HS3ST5: variants seen among roughly 807,000 people sequenced by gnomAD.
HS3ST5 encodes heparan sulfate-glucosamine 3-sulfotransferase 5, also known as heparan sulfate glucosamine 3-O-sulfotransferase 5.
Under a neutral mutation model 25.4 loss-of-function variants are expected in HS3ST5, and 10 were observed. The observed-to-expected ratio is 0.39, with a 90% CI of 0.24 to 0.67. The LOEUF (loss-of-function observed/expected upper bound fraction) is 0.67. Ranked by LOEUF, HS3ST5 falls within the 30% of genes least tolerant of loss-of-function variation. The pLI, the probability that HS3ST5 is intolerant of heterozygous loss-of-function variation, is 0.44. For missense variants in HS3ST5, 324 were observed against 420.7 expected (o/e 0.77, Z 2.01); for synonymous variants, 170 against 162.4 (o/e 1.05, Z -0.36).
chr6:114,127,301 C>T (rs1777090337), intron 3 of HS3ST5, among the ~76,000 whole-genome samples: 1 of 151,924 alleles, frequency 6.6e-6, no homozygotes, highest in Non-Finnish European at 1.5e-5. Flanking sequence ...TAGGAATTGC[C>T]TTTGATGTAG....
chr6:114,097,140 AATAG>A (rs1397553294), intron 3 of HS3ST5, among the ~76,000 whole-genome samples: 2 of 152,018 alleles, frequency 1.3e-5, no homozygotes, highest in Non-Finnish European at 2.9e-5. Flanking sequence ...TCCATCAATT[AATAG>A]ATAATTATTT....
At chr6:114,109,619 T>A (rs1238419240) in intron 3 of HS3ST5, among the ~76,000 whole-genome samples, 1 of 152,176 alleles carries the variant, frequency 6.6e-6, no homozygotes, top group Non-Finnish European at 1.5e-5. Context: ...GTAATGGATA[T>A]CCCTGGACCC....
chr6:114,213,646 C>A (rs536169202), intron 2 of HS3ST5, among the ~76,000 whole-genome samples: 15 of 152,250 alleles, frequency 9.9e-5, no homozygotes, highest in Non-Finnish European at 1.6e-4. Flanking sequence ...CCCCAGGTAT[C>A]TCAAGATAAG....
intron 1 of HS3ST5, among the ~76,000 whole-genome samples, chr6:114,315,170 T>C (rs1307267419): frequency 1.3e-5 from 2 of 152,124 alleles, no homozygotes; most frequent in Admixed American, 1.3e-4. Context: ...TTTGTGCAAA[T>C]AAATTTTCAT....
At chr6:114,256,830 C>T (rs757034699) in intron 1 of HS3ST5, among the ~76,000 whole-genome samples, 1 of 152,156 alleles carries the variant, frequency 6.6e-6, no homozygotes, top group South Asian at 2.1e-4. Flanking sequence ...TCTACCAGTA[C>T]CAATTTACTG....
intron 1 of HS3ST5, among the ~76,000 whole-genome samples, chr6:114,232,457 C>T (rs1228058547): frequency 6.6e-6 from 1 of 152,114 alleles, no homozygotes; most frequent in Admixed American, 6.5e-5. Context: ...TCTCACAGTG[C>T]CAGGATTACA....
At chr6:114,063,775 T>G (rs1773283491) in intron 3 of HS3ST5, among the ~76,000 whole-genome samples, 1 of 152,186 alleles carries the variant, frequency 6.6e-6, no homozygotes, top group Admixed American at 6.5e-5. Context: ...ACAATGGCCT[T>G]GGGGAACCTG....
At chr6:114,066,002 T>C (rs532437541) in intron 3 of HS3ST5, among the ~76,000 whole-genome samples, 12 of 152,354 alleles carry the variant, frequency 7.9e-5, no homozygotes, top group African/African-American at 2.9e-4. Context: ...TATATCACAG[T>C]TCCTCTGGGA....
At chr6:114,259,615 C>G (rs1773078789) in intron 1 of HS3ST5, among the ~76,000 whole-genome samples, 1 of 152,224 alleles carries the variant, frequency 6.6e-6, no homozygotes, top group South Asian at 2.1e-4. Context: ...AGAGATAACA[C>G]TTTGGTGGTT....
At chr6:114,148,968 A>G (rs1338262575) in intron 3 of HS3ST5, among the ~76,000 whole-genome samples, 1 of 152,246 alleles carries the variant, frequency 6.6e-6, no homozygotes, top group Non-Finnish European at 1.5e-5. Flanking sequence ...TGTGGCAAAC[A>G]AACATGAAAG....
chr6:114,293,070 C>T lies in HS3ST5; in HGVS notation c.-339+49125G>A, dbSNP rs183466043. ...GAAGTGCTAAGGTAGAGAGGTGCAC[C>T]GTGCACAGGAGCTCCACAAGTCCAC... On this transcript the variant is annotated intron_variant, in intron 1 of 4. Transcript: ENST00000312719. Among the ~76,000 whole-genome samples, 496 of 152,050 alleles carry T rather than the reference C, an allele frequency of 3.3e-3. 2 individuals carry two copies. The highest frequency in any genetic ancestry group is 0.011 in the African/African-American group (467 of 41,490).
intron 2 of HS3ST5, among the ~76,000 whole-genome samples, chr6:114,175,774 T>A (rs1012484787): frequency 3.3e-5 from 5 of 152,182 alleles, no homozygotes; most frequent in African/African-American, 1.2e-4. Context: ...GCAAAAGTAA[T>A]ATAAAAACAA....
At chr6:114,248,282 G>C (rs1772479977) in intron 1 of HS3ST5, among the ~76,000 whole-genome samples, 1 of 149,562 alleles carries the variant, frequency 6.7e-6, no homozygotes, top group East Asian at 1.9e-4. Flanking sequence ...ACATATGAAT[G>C]TGAATCCTTT....
intron 1 of HS3ST5, among the ~76,000 whole-genome samples, chr6:114,246,743 T>G (rs1407035249): frequency 1.3e-5 from 2 of 152,198 alleles, no homozygotes; most frequent in Non-Finnish European, 2.9e-5. Flanking sequence ...AACTTCTGAA[T>G]GTAAGGGTGA....
chr6:114,239,034 G>A (rs1771984659), intron 1 of HS3ST5: 1 of 152,106 alleles, frequency 6.6e-6, no homozygotes, highest in Non-Finnish European at 1.5e-5. Flanking sequence ...TAAGCACTCC[G>A]TATATTGGAC....
rs532463138 is a variant in HS3ST5, at chr6:114,057,135, A to G, written c.*122T>C. On this transcript the variant is annotated 3_prime_UTR_variant, in exon 5 of 5. Transcript: ENST00000312719. ...TCTTATATTTGGTCACACACTGCGTATGTACAAATATACATGGAAAAATGA... is the reference window on the plus strand; with the variant it reads ...TCTTATATTTGGTCACACACTGCGTGTGTACAAATATACATGGAAAAATGA... The G allele has an allele frequency of 4.7e-4, 329 of 707,106 alleles. 2 individuals are homozygous for G. Among genetic ancestry groups the G allele is most frequent in the Middle Eastern group, 3.3e-4 (1 of 3,030 alleles). The allele number at this position is 707,106 out of a possible 1,614,324, so 43.8% of individuals were successfully genotyped here.
At chr6:114,306,280 T>C (rs796718289) in intron 1 of HS3ST5, among the ~76,000 whole-genome samples, 100 of 128,154 alleles carry the variant, frequency 7.8e-4, no homozygotes, top group East Asian at 1.6e-3. Context: ...CACACACACA[T>C]ATATATATAT....
chr6:114,224,035 T>C (rs537951209), intron 2 of HS3ST5, among the ~76,000 whole-genome samples: 2 of 151,796 alleles, frequency 1.3e-5, no homozygotes, highest in African/African-American at 2.4e-5. Context: ...GCATTTATTA[T>C]AGAGTCCCTC....
At chr6:114,123,542 C>T (rs1056571925) in intron 3 of HS3ST5, among the ~76,000 whole-genome samples, 1 of 152,166 alleles carries the variant, frequency 6.6e-6, no homozygotes. Flanking sequence ...TTAAGCCACA[C>T]ATTCAAGGTC....
Sources: allele counts gnomAD v4.1 joint callset (sites outside exome capture counted in the v4.1 genomes callset), GRCh38; gene constraint gnomAD v4.1.1; transcripts MANE v1.5; gene names NCBI Gene and HGNC (gene_info 2026-07-23, HGNC 2026-07-21).